FMC1: variants seen among roughly 807,000 people sequenced by gnomAD.
FMC1 encodes the protein protein FMC1 homolog.
In FMC1, 6 loss-of-function variants were observed where a neutral mutation model predicts 10.5. The observed-to-expected ratio is 0.57, with a 90% CI of 0.31 to 1.12. FMC1 has a LOEUF of 1.12. FMC1 is among the 50% of genes most tolerant of loss of function. The pLI is 0.05. For missense variants in FMC1, 146 were observed against 151.7 expected, an observed-to-expected ratio of 0.96 and a Z score of 0.20; for synonymous variants, 59 against 62.1, an observed-to-expected ratio of 0.95 and a Z score of 0.24.
At chr7:139,345,470 G>T (rs1289528812) in intron 1 of FMC1, 31 bp from the exon 2 acceptor site, 2 of 1,613,340 alleles carry the variant, frequency 1.2e-6, no homozygotes, top group Admixed American at 1.7e-5. Flanking sequence ...CTCTAGCTGG[G>T]TTAAGAATTT....
At chr7:139,342,624 G>A (rs976619617) in intron 1 of FMC1, among the ~76,000 whole-genome samples, 1 of 152,114 alleles carries the variant, frequency 6.6e-6, no homozygotes, top group Admixed American at 6.6e-5. Context: ...CACCACGCCC[G>A]GCTAATTTTG....
chr7:139,340,517 G>GTTTA (rs1585050934), upstream of FMC1: 4 of 398,500 alleles, frequency 1.0e-5, no homozygotes, highest in East Asian at 1.4e-4. Context: ...CAGTTTCGAG[G>GTTTA]GTAAAGCCTT....
intron 1 of FMC1, among the ~76,000 whole-genome samples, chr7:139,341,854 G>C (rs1434771152): frequency 1.3e-5 from 2 of 152,140 alleles, no homozygotes; most frequent in African/African-American, 4.8e-5. Context: ...TCAATGCTGG[G>C]GATAAAACAA....
At chr7:139,341,672 C>A in intron 1 of FMC1, 150 bp downstream of exon 1, 1 of 1,369,318 alleles carries the variant, frequency 7.3e-7, no homozygotes, top group East Asian at 2.6e-5. Context: ...AACCCAGGCC[C>A]TAGGCTCCAT....
chr7:139,345,633 G>A lies in FMC1; in HGVS notation c.271G>A (p.Val91Met), dbSNP rs772630517. 6.2e-7 allele frequency: 1 copy of A among 1,614,198 alleles called. No individual in the cohort carries two copies. Residue 91 changes from valine (V) to methionine (M), a missense_variant, in exon 2 of 2, where the codon GTG becomes ATG. By Grantham distance (21) the Val-to-Met change is conservative. Coordinates refer to ENST00000297534, the MANE Select transcript of FMC1 (RefSeq NM_197964.5). The stretch of plus-strand genomic sequence containing the variant: ...ATTTCATGGCAAGGGTGAGCGCTCG[G>A]TGGAGGAGTCTGCTGGCTTGGTGGG... ...QEFHGKGERS[V>M]EESAGLVGLK...
chr7:139,342,195 C>CT (rs11410381), intron 1 of FMC1, among the ~76,000 whole-genome samples: 59,215 of 152,010 alleles, frequency 0.39, 16,147 homozygotes, highest in African/African-American at 0.78. Flanking sequence ...GTGTCCTGTC[C>CT]TTAAGACACT....
chr7:139,345,404 T>C lies in FMC1; in HGVS notation c.139-97T>C. On this transcript the variant is annotated intron_variant, in intron 1 of 1. Coordinates refer to ENST00000297534, the MANE Select transcript of FMC1 (RefSeq NM_197964.5). ...ACATGTCTGTATTTCCTCTGTGCAATTTACTTTCACTCTAGTGAATGCTTA... is the reference window on the plus strand; with the variant it reads ...ACATGTCTGTATTTCCTCTGTGCAACTTACTTTCACTCTAGTGAATGCTTA... 9 of 1,519,986 alleles carry C rather than the reference T, an allele frequency of 5.9e-6. No homozygotes were observed. In the South Asian group the frequency reaches 1.0e-4, roughly 17 times the overall value. 94.2% of individuals were successfully genotyped at this position (1,519,986 alleles called of 1,614,324 possible).
At chr7:139,341,719 G>C (rs6965212) in intron 1 of FMC1, among the ~76,000 whole-genome samples, 197 bp downstream of exon 1, 4 of 151,724 alleles carry the variant, frequency 2.6e-5, no homozygotes, top group South Asian at 2.1e-4. Flanking sequence ...GGACCAGCGG[G>C]GGGGGGCGCA....
chr7:139,342,865 T>A (rs1183654182), intron 1 of FMC1, among the ~76,000 whole-genome samples: 1 of 152,218 alleles, frequency 6.6e-6, no homozygotes, highest in Non-Finnish European at 1.5e-5. Flanking sequence ...AAATTCATGG[T>A]ACATTCTGGA....
At position 139,341,449 on chromosome 7, in the gene FMC1, G is replaced by T. The variant is rs1462281290; in HGVS notation, c.65G>T (p.Ser22Ile). ...CTTCTGCGGGAGTTGCGCTACCTGA[G>T]CGCGGCCACCGGCCGACCCTATCGC... ...RGLLRELRYL[S>I]AATGRPYRDT... The change falls in exon 1 of 2, where the codon AGC becomes ATC. Residue 22 changes from serine (S) to isoleucine (I), a missense_variant. Transcript: ENST00000297534. 6.2e-7 allele frequency: 1 copy of T among 1,613,606 alleles called. No homozygotes were observed. The highest frequency in any genetic ancestry group is 8.5e-7 in the Non-Finnish European group (1 of 1,180,022).
chr7:139,344,061 CCT>C (rs1488572802), intron 1 of FMC1, among the ~76,000 whole-genome samples: 1 of 152,112 alleles, frequency 6.6e-6, no homozygotes, highest in Non-Finnish European at 1.5e-5. Context: ...CTTTCCTGCC[CCT>C]TTCTCACAGC....
chr7:139,343,508 C>T (rs759876548), intron 1 of FMC1, among the ~76,000 whole-genome samples: 1 of 152,098 alleles, frequency 6.6e-6, no homozygotes, highest in South Asian at 2.1e-4. Flanking sequence ...CCCAAGAAGT[C>T]GATCAAGGCT....
upstream of FMC1, chr7:139,341,075 G>C (rs1206014757): frequency 7.5e-6 from 2 of 265,870 alleles, no homozygotes; most frequent in Non-Finnish European, 1.4e-5. Context: ...GAGACTCAGC[G>C]GTTGGTCGGC....
upstream of FMC1, among the ~76,000 whole-genome samples, chr7:139,340,795 T>A (rs1554483994): frequency 2.6e-5 from 4 of 151,884 alleles, no homozygotes; most frequent in Non-Finnish European, 5.9e-5. Flanking sequence ...TGTCCTTTTT[T>A]CCCCTTTCTA....
chr7:139,345,885 C>A lies in FMC1; in HGVS notation c.*181C>A. On this transcript the variant is annotated 3_prime_UTR_variant, in exon 2 of 2. Coordinates refer to ENST00000297534, the MANE Select transcript of FMC1 (RefSeq NM_197964.5). ...CTCAGTGAATTTACTGAACTTTTTG[C>A]ACTAGACTGATGTTGTTTTTCTACT... 1.5e-6 allele frequency: 1 copy of A among 666,536 alleles called. No homozygotes were observed. The highest frequency in any genetic ancestry group is 2.3e-6 in the Non-Finnish European group (1 of 435,738). 41.3% of individuals were successfully genotyped at this position (666,536 alleles called of 1,614,324 possible). A position where few individuals can be genotyped will look rare whatever the true frequency, so the allele number is the denominator to read the frequency against.
At chr7:139,343,111 C>G (rs148624470) in intron 1 of FMC1, among the ~76,000 whole-genome samples, 2 of 152,104 alleles carry the variant, frequency 1.3e-5, no homozygotes. Context: ...CCCTTTTGTC[C>G]TCATGATTCA....
intron 1 of FMC1, among the ~76,000 whole-genome samples, chr7:139,343,355 G>A (rs985648978): frequency 1.3e-5 from 2 of 152,180 alleles, no homozygotes; most frequent in Non-Finnish European, 2.9e-5. Context: ...ATGATCTGCA[G>A]ATCCTAAAAC....
At chr7:139,343,187 C>G (rs1390048331) in intron 1 of FMC1, among the ~76,000 whole-genome samples, 1 of 152,186 alleles carries the variant, frequency 6.6e-6, no homozygotes, top group Non-Finnish European at 1.5e-5. Context: ...TCAAATTCCA[C>G]AAATTTGGGC....
chr7:139,343,630 A>G (rs1036451325), intron 1 of FMC1, among the ~76,000 whole-genome samples: 1 of 152,148 alleles, frequency 6.6e-6, no homozygotes, highest in African/African-American at 2.4e-5. Context: ...AACACTAGAT[A>G]TTCAAATAGA....
Sources: allele counts gnomAD v4.1 joint callset (sites outside exome capture counted in the v4.1 genomes callset), GRCh38; gene constraint gnomAD v4.1.1; transcripts MANE v1.5; gene names NCBI Gene and HGNC (gene_info 2026-07-23, HGNC 2026-07-21).